TP63: variants seen among roughly 807,000 people sequenced by gnomAD.
The protein encoded by TP63 is tumor protein p63.
A neutral mutation model predicts 82.8 loss-of-function variants in TP63; 17 were observed. The ratio of observed to expected loss-of-function variants is 0.21; its 90% CI spans 0.14 to 0.31. The LOEUF is 0.31. Ranked by LOEUF, TP63 falls within the 10% of genes least tolerant of loss-of-function variation. TP63 has a pLI of 1.00. For synonymous variants in TP63, 330 were observed against 321.7 expected (o/e 1.03, Z -0.28); for missense variants, 648 against 895.3 (o/e 0.72, Z 3.52).
intron 4 of TP63, among the ~76,000 whole-genome samples, chr3:189,859,536 A>G (rs561785621): frequency 1.3e-5 from 2 of 152,342 alleles, no homozygotes; most frequent in South Asian, 4.1e-4. Flanking sequence ...GAATGACATC[A>G]ATTAAAATAA....
chr3:189,818,425 T>C (rs557470723), intron 4 of TP63, among the ~76,000 whole-genome samples: 3 of 152,216 alleles, frequency 2.0e-5, no homozygotes, highest in African/African-American at 7.2e-5. Flanking sequence ...CCTTGACATA[T>C]ATGTATTAAG....
At chr3:189,819,768 T>TTTTTTTTC (rs1553847710) in intron 4 of TP63, among the ~76,000 whole-genome samples, 1 of 120,490 alleles carries the variant, frequency 8.3e-6, no homozygotes, top group Non-Finnish European at 1.7e-5. Flanking sequence ...TTTTTTTTTT[T>TTTTTTTTC]TGAGACAGTC....
intron 4 of TP63, among the ~76,000 whole-genome samples, chr3:189,853,668 T>G (rs1577108768): frequency 6.6e-6 from 1 of 152,244 alleles, no homozygotes; most frequent in South Asian, 2.1e-4. Context: ...TTTACCCTGA[T>G]TTACTTTTTC....
intron 4 of TP63, among the ~76,000 whole-genome samples, chr3:189,862,940 A>G (rs529758905): frequency 6.6e-6 from 1 of 152,358 alleles, no homozygotes; most frequent in African/African-American, 2.4e-5. Context: ...CTTCTAACTA[A>G]AAATTTTGTG....
At position 189,651,089 on chromosome 3, in the gene TP63, A is replaced by G. The variant is rs954860291; in HGVS notation, c.62+19512A>G. Among the ~76,000 whole-genome samples the G allele has an allele frequency of 2.0e-5, 3 of 147,510 alleles. 1 individual carries two copies. Among genetic ancestry groups the G allele is most frequent in the African/African-American group, 7.6e-5 (3 of 39,412 alleles). ...ACTCTTGCTTTGCTTTAGCAAAGAG[A>G]CTGGCAGCATTTTGCCCTGCCCTAG... On this transcript the variant is annotated intron_variant, in intron 1 of 13. Transcript: ENST00000264731.
intron 3 of TP63, among the ~76,000 whole-genome samples, chr3:189,806,528 A>G (rs1156767264): frequency 2.0e-5 from 3 of 152,226 alleles, no homozygotes; most frequent in Non-Finnish European, 4.4e-5. Context: ...GCTTTAGTTC[A>G]GCCGGGGTAT....
At chr3:189,863,787 A>C (rs983171810) in intron 4 of TP63, among the ~76,000 whole-genome samples, 1 of 152,174 alleles carries the variant, frequency 6.6e-6, no homozygotes, top group African/African-American at 2.4e-5. Flanking sequence ...GAGTGTCTCT[A>C]AAGTATATTA....
rs975580838 is a variant in TP63 at position 189,868,592 on chromosome 3, G to A, written c.1005G>A (p.Leu335=). 1.2e-6 allele frequency: 2 copies of A among 1,613,952 alleles called. No individual in the cohort carries two copies. The highest frequency in any genetic ancestry group is 1.7e-5 in the Admixed American group (1 of 59,998). Residue 335 remains leucine, a synonymous_variant, in exon 8 of 14, where the codon CTG becomes CTA. Transcript: ENST00000264731. ...VTLETRDGQV[L]GRRCFEARIC... ...TTCTAATTCCTAGTGGGCAAGTCCTGGGCCGACGCTGCTTTGAGGCCCGGA... is the reference window on the plus strand; with the variant it reads ...TTCTAATTCCTAGTGGGCAAGTCCTAGGCCGACGCTGCTTTGAGGCCCGGA...
At chr3:189,737,989 T>G (rs545336481) in intron 2 of TP63, 121 bp downstream of exon 2, 6 of 1,211,022 alleles carry the variant, frequency 5.0e-6, no homozygotes, top group Middle Eastern at 2.2e-4. Flanking sequence ...TAGGAAAAGT[T>G]AATGACTCCA....
intron 4 of TP63, among the ~76,000 whole-genome samples, chr3:189,825,326 C>T (rs1320644704): frequency 6.6e-6 from 1 of 152,116 alleles, no homozygotes; most frequent in Admixed American, 6.6e-5. Flanking sequence ...TTGAGCAGTG[C>T]CAATATTGAG....
At chr3:189,740,088 A>G (rs552638830) in intron 3 of TP63, among the ~76,000 whole-genome samples, 1 of 152,350 alleles carries the variant, frequency 6.6e-6, no homozygotes, top group Non-Finnish European at 1.5e-5. Flanking sequence ...CTGCAGATAC[A>G]TAGATGCTTT....
intron 4 of TP63, among the ~76,000 whole-genome samples, chr3:189,823,886 T>C (rs1173200626): frequency 6.6e-6 from 1 of 152,172 alleles, no homozygotes; most frequent in Non-Finnish European, 1.5e-5. Flanking sequence ...CTTTCTGTCT[T>C]GCCAAATGAA....
chr3:189,701,916 C>T (rs954796228), intron 1 of TP63, among the ~76,000 whole-genome samples: 9 of 152,126 alleles, frequency 5.9e-5, no homozygotes, highest in Non-Finnish European at 1.3e-4. Context: ...TCTTTTTCTT[C>T]TTTTTCCATG....
chr3:189,862,243 A>G (rs1560271356), intron 4 of TP63, among the ~76,000 whole-genome samples: 1 of 152,140 alleles, frequency 6.6e-6, no homozygotes, highest in African/African-American at 2.4e-5. Context: ...TGCTTGTAAT[A>G]CCTTCCTCTT....
chr3:189,696,479 G>A (rs1018858007), intron 1 of TP63, among the ~76,000 whole-genome samples: 1 of 152,060 alleles, frequency 6.6e-6, no homozygotes, highest in African/African-American at 2.4e-5. Flanking sequence ...CCAATTCTTG[G>A]TAATTATGAA....
intron 1 of TP63, among the ~76,000 whole-genome samples, chr3:189,680,632 A>G (rs1352778531): frequency 6.6e-6 from 1 of 152,214 alleles, no homozygotes; most frequent in African/African-American, 2.4e-5. Context: ...TGTTCAACAC[A>G]TGCAAATCAA....
At chr3:189,831,466 C>T (rs183740975) in intron 4 of TP63, among the ~76,000 whole-genome samples, 9 of 151,950 alleles carry the variant, frequency 5.9e-5, no homozygotes, top group Admixed American at 3.3e-4. Flanking sequence ...TGATATCATT[C>T]GAGCTTCACA....
chr3:189,746,203 A>C (rs1318343359), intron 3 of TP63, among the ~76,000 whole-genome samples: 1 of 152,088 alleles, frequency 6.6e-6, no homozygotes, highest in Non-Finnish European at 1.5e-5. Flanking sequence ...GACCCCCATC[A>C]GACAAAGAGT....
intron 5 of TP63, 102 bp downstream of exon 5, chr3:189,864,520 T>A: frequency 4.2e-6 from 3 of 707,180 alleles, no homozygotes; most frequent in Non-Finnish European, 6.4e-6. Flanking sequence ...ACTTCTGCAC[T>A]CCGATGGCAG....
Sources: gnomAD v4.1 joint callset for allele counts (sites outside exome capture counted in the v4.1 genomes callset) on GRCh38, gnomAD v4.1.1 for gene constraint, MANE v1.5 for transcripts, NCBI Gene and HGNC (gene_info 2026-07-23, HGNC 2026-07-21) for gene names.